EEF2KMT: variants seen among roughly 807,000 people sequenced by gnomAD.
EEF2KMT encodes the protein eukaryotic elongation factor 2 lysine methyltransferase, also known as protein-lysine N-methyltransferase EEF2KMT.
A neutral mutation model predicts 35.1 loss-of-function variants in EEF2KMT; 30 were observed. That is an observed-to-expected ratio of 0.85 (90% CI 0.64 to 1.16). The LOEUF is 1.16. Among genes scored for constraint, EEF2KMT ranks in the 50% most tolerant of loss-of-function variants. The probability of loss-of-function intolerance (pLI) is 0.00; values close to 1 mark genes in which losing one functional copy is unlikely to be tolerated. For synonymous variants in EEF2KMT, 190 were observed against 187.7 expected (o/e 1.01, Z -0.10); for missense variants, 499 against 438.2 (o/e 1.14, Z -1.24).
chr16:5,091,076 G>T (rs537728516), intron 4 of EEF2KMT, among the ~76,000 whole-genome samples: 1 of 151,814 alleles, frequency 6.6e-6, no homozygotes, highest in African/African-American at 2.4e-5. Context: ...CACCATGTCC[G>T]GCTACTTTTT....
Position 5,085,831 on chromosome 16 carries a change from G to C in EEF2KMT, c.893-99C>G. ...TAGGACAGGCCTGGCGGGGTAGGGG[G>C]GTGTCCAAGTCAGTTTACTTGGTTC... On this transcript the variant is annotated intron_variant, in intron 7 of 7. Transcript: ENST00000427587. 8.5e-6 allele frequency: 8 copies of C among 944,368 alleles called. No homozygotes were observed. In the South Asian group the frequency reaches 9.0e-5, roughly 11 times the overall value. The allele number at this position is 944,368 out of a possible 1,614,324, so 58.5% of individuals were successfully genotyped here.
rs371818567 is a variant in EEF2KMT at position 5,095,437 on chromosome 16, C to G, written c.159+15G>C. On this transcript the variant is annotated intron_variant, in intron 2 of 7. Transcript: ENST00000427587. The stretch of plus-strand genomic sequence containing the variant: ...GAGGCAGGGTCATGAGTCCCAGGGA[C>G]TCTGGGATTCTTACCTTGTGCAAAA... 9.3e-6 allele frequency: 15 copies of G among 1,611,344 alleles called. No homozygotes were observed. In the African/African-American group the frequency reaches 1.5e-4, roughly 16 times the overall value.
rs1567182344 is a variant in EEF2KMT, at chr16:5,095,482, A to G, written c.129T>C (p.Asp43=). 1.2e-6 allele frequency: 2 copies of G among 1,611,760 alleles called. No homozygotes were observed. Among genetic ancestry groups the G allele is most frequent in the South Asian group, 1.1e-5 (1 of 90,990 alleles). Reference sequence around the variant, plus strand: ...GCAAAATATCCCGCAGCAGCTCAGAATCTGATGAGTCTCTTAACTTTGCTT... The same window carrying G: ...GCAAAATATCCCGCAGCAGCTCAGAGTCTGATGAGTCTCTTAACTTTGCTT... ...SLEAKLRDSS[D]SELLRDILHK... The change falls in exon 2 of 8, where the codon GAT becomes GAC. Residue 43 remains aspartate, a synonymous_variant. Transcript: ENST00000427587.
In EEF2KMT at chr16:5,090,551, C is replaced by G. The variant is rs150734847; in HGVS notation, c.357G>C (p.Ser119=). The G allele has an allele frequency of 1.9e-6, 3 of 1,611,914 alleles. No homozygotes were observed. In the East Asian group the frequency reaches 6.7e-5, roughly 36 times the overall value. Residue 119 remains serine (S), a synonymous_variant, in exon 5 of 8, where the codon TCG becomes TCC. Coordinates refer to ENST00000427587, the MANE Select transcript of EEF2KMT (RefSeq NM_201400.4). This position sits in a 1 kb window ranked among gnomAD's most constrained non-coding sequence, Gnocchi z 4.1. ...HRSYLLPSGG[S]VTLSESTAII... The stretch of plus-strand genomic sequence containing the variant: ...TGGCCGTGCTCTCGGAGAGTGTGAC[C>G]GAGCCTCCCGAGGGCTGCACCAAGA...
Position 5,084,667 on chromosome 16 carries a change from G to A in EEF2KMT, c.*965C>T. On this transcript the variant is annotated 3_prime_UTR_variant, in exon 8 of 8. Transcript: ENST00000427587. ...CTTGGGAGGGGTTGTTGTTGGGTCG[G>A]GGACCTGGGGTCAGCCAGGTGGTGA... 1 of 1,588,554 alleles carries A rather than the reference G, an allele frequency of 6.3e-7. No homozygotes were observed. The highest frequency in any genetic ancestry group is 8.5e-7 in the Non-Finnish European group (1 of 1,174,532).
rs1470536746 is a variant in EEF2KMT, at chr16:5,090,993, C to G, written c.343-428G>C. ...TCAGTGGCACGATCTTGGCTCACTG[C>G]AACCTCTGCCTCCTGGGTTCAAGCA... is the stretch of plus-strand genomic sequence containing the variant. On this transcript the variant is annotated intron_variant, in intron 4 of 7. Transcript: ENST00000427587. The surrounding 1 kb of genome is among the most constrained non-coding windows in gnomAD (Gnocchi z 4.1). 6.6e-6 allele frequency among the ~76,000 whole-genome samples: 1 copy of G among 152,170 alleles called. No homozygotes were observed. The highest frequency in any genetic ancestry group is 2.4e-5 in the African/African-American group (1 of 41,426).
rs1957324162 is a variant in EEF2KMT, at chr16:5,090,662, A to G, written c.343-97T>C. 2 of 1,503,016 alleles carry G rather than the reference A, an allele frequency of 1.3e-6. No individual in the cohort carries two copies. Among genetic ancestry groups the G allele is most frequent in the Admixed American group, 1.8e-5 (1 of 54,544 alleles). The allele number at this position is 1,503,016 out of a possible 1,614,324, so 93.1% of individuals were successfully genotyped here. A position where few individuals can be genotyped will look rare whatever the true frequency, so the allele number is the denominator to read the frequency against. On this transcript the variant is annotated intron_variant, in intron 4 of 7. Coordinates refer to ENST00000427587, the MANE Select transcript of EEF2KMT (RefSeq NM_201400.4). This position sits in a 1 kb window ranked among gnomAD's most constrained non-coding sequence, Gnocchi z 4.1. ...ACCACATGGCTGAATAAACCATGAC[A>G]GGACCAATCGCCACTCAGCAATGAG...
intron 7 of EEF2KMT, among the ~76,000 whole-genome samples, chr16:5,088,260 TG>T (rs34862580): frequency 0.57 from 86,092 of 151,838 alleles, 24,639 homozygotes; most frequent in Admixed American, 0.67. Flanking sequence ...TGCGAGGTTG[TG>T]GGGGGACTCT....
At chr16:5,097,023 A>T (rs1957484055) in intron 1 of EEF2KMT, among the ~76,000 whole-genome samples, 1 of 152,236 alleles carries the variant, frequency 6.6e-6, no homozygotes. Flanking sequence ...CTCACCGCAC[A>T]TGAATTACAA....
intron 2 of EEF2KMT, among the ~76,000 whole-genome samples, chr16:5,095,075 A>G (rs1596280574): frequency 6.6e-6 from 1 of 152,162 alleles, no homozygotes; most frequent in Admixed American, 6.5e-5. Context: ...TTAGGTCTAG[A>G]GGAGACAGGA....
At chr16:5,096,809 C>G (rs4047286) in intron 1 of EEF2KMT, among the ~76,000 whole-genome samples, 6 of 152,226 alleles carry the variant, frequency 3.9e-5, no homozygotes, top group African/African-American at 1.4e-4. Context: ...TGAACAATTA[C>G]AGTCAATACT....
chr16:5,093,382 C>T, intron 3 of EEF2KMT, 102 bp downstream of exon 3: 1 of 1,573,494 alleles, frequency 6.4e-7, no homozygotes. Flanking sequence ...CCCTGCCATG[C>T]TGGGGTTTGC....
chr16:5,085,584 A>G lies in EEF2KMT; in HGVS notation c.*48T>C, dbSNP rs764130039. ...GCTTTCCCATATAAAAATTCTTCCC[A>G]TGAGAGTGACTTGATTCTCACAATC... is the stretch of plus-strand genomic sequence containing the variant. On this transcript the variant is annotated 3_prime_UTR_variant, in exon 8 of 8. Coordinates refer to ENST00000427587, the MANE Select transcript of EEF2KMT (RefSeq NM_201400.4). 7.6e-7 allele frequency: 1 copy of G among 1,321,754 alleles called. No individual in the cohort carries two copies. Among genetic ancestry groups the G allele is most frequent in the Admixed American group, 1.7e-5 (1 of 59,594 alleles). The allele number at this position is 1,321,754 out of a possible 1,614,324, so 81.9% of individuals were successfully genotyped here.
intron 2 of EEF2KMT, among the ~76,000 whole-genome samples, chr16:5,094,256 CTGG>C (rs1205112403): frequency 3.3e-5 from 5 of 152,040 alleles, no homozygotes; most frequent in Non-Finnish European, 2.9e-5. Context: ...GCTCTTCAGG[CTGG>C]TGCTGGTTTT....
In EEF2KMT at chr16:5,084,803, G is replaced by C; in HGVS notation, c.*829C>G. ...CGGGCAAGCTAAACCAGTTCCGGAA[G>C]AACCTGCGGGAGTCGCAGCAGCTCC... On this transcript the variant is annotated 3_prime_UTR_variant, in exon 8 of 8. Coordinates refer to ENST00000427587, the MANE Select transcript of EEF2KMT (RefSeq NM_201400.4). 6.3e-7 allele frequency: 1 copy of C among 1,596,478 alleles called. No homozygotes were observed. Among genetic ancestry groups the C allele is most frequent in the Non-Finnish European group, 8.5e-7 (1 of 1,179,778 alleles).
At chr16:5,091,934 C>G in intron 3 of EEF2KMT, 39 bp from the exon 4 acceptor site, 2 of 1,609,922 alleles carry the variant, frequency 1.2e-6, no homozygotes, top group Non-Finnish European at 1.7e-6. Flanking sequence ...TGCTTTCGTT[C>G]TAATCTGTAA....
At chr16:5,095,789 A>C (rs1345814145) in intron 1 of EEF2KMT, among the ~76,000 whole-genome samples, 1 of 140,972 alleles carries the variant, frequency 7.1e-6, no homozygotes, top group African/African-American at 2.6e-5. Flanking sequence ...CTGCTCAGCC[A>C]GGAATTACCA....
chr16:5,086,070 T>C (rs1361763236), intron 7 of EEF2KMT, among the ~76,000 whole-genome samples: 2 of 152,206 alleles, frequency 1.3e-5, no homozygotes. Flanking sequence ...GCACAGTGGC[T>C]CATGCCTGTA....
At chr16:5,095,677 AG>A (rs1208420086) in intron 1 of EEF2KMT, among the ~76,000 whole-genome samples, 163 bp from the exon 2 acceptor site, 1 of 152,122 alleles carries the variant, frequency 6.6e-6, no homozygotes, top group African/African-American at 2.4e-5. Flanking sequence ...CAGATGTCGC[AG>A]GGTGCACCTG....
Sources: allele counts gnomAD v4.1 joint callset (sites outside exome capture counted in the v4.1 genomes callset), GRCh38; gene constraint gnomAD v4.1.1; non-coding constraint Gnocchi (gnomAD v3.1); transcripts MANE v1.5; gene names NCBI Gene and HGNC (gene_info 2026-07-23, HGNC 2026-07-21).